PCNX1: variants seen among roughly 807,000 people sequenced by gnomAD.
PCNX1 encodes pecanex-like protein 1.
In PCNX1, 78 loss-of-function variants were observed where a neutral mutation model predicts 242.2. The ratio of observed to expected loss-of-function variants is 0.32; its 90% CI spans 0.27 to 0.39. The LOEUF is 0.39. PCNX1 is among the 10% of genes least tolerant of loss of function. PCNX1 has a pLI of 1.00. For missense variants in PCNX1, 2,581 were observed against 2,856.5 expected (o/e 0.90, Z 2.20); for synonymous variants, 1,024 against 1,032.9 (o/e 0.99, Z 0.17).
chr14:71,027,209 G>A (rs2060265083), intron 15 of PCNX1: 1 of 174,346 alleles, frequency 5.7e-6, no homozygotes, highest in Non-Finnish European at 1.2e-5. Context: ...TCTATCCTGA[G>A]TAGATTGAGG....
At chr14:70,924,586 CTTTAT>C (rs941905065) in intron 1 of PCNX1, among the ~76,000 whole-genome samples, 2 of 151,412 alleles carry the variant, frequency 1.3e-5, no homozygotes, top group African/African-American at 4.9e-5. Flanking sequence ...TAGTTTATTC[CTTTAT>C]TTTATTTTAT....
rs778015297 is a variant in PCNX1 at position 70,977,660 on chromosome 14, T to G, written c.1323T>G (p.Asn441Lys). 1.9e-6 allele frequency: 3 copies of G among 1,613,914 alleles called. No individual in the cohort carries two copies. Among genetic ancestry groups the G allele is most frequent in the Non-Finnish European group, 2.5e-6 (3 of 1,179,958 alleles). ...GCTGTGCAGGCCCAGAGGAGAAGAA[T>G]AGCTGTGCCAGTGACAAAAGGACTA... ...KECCAGPEEK[N>K]SCASDKRTSS... Residue 441 changes from asparagine to lysine, a missense_variant, in exon 6 of 36, where the codon AAT becomes AAG. By Grantham distance (94) the Asn-to-Lys change is moderately conservative. Around this residue, in one of 9 missense-constraint regions of PCNX1, gnomAD observed 1,204 missense variants for 1,216.7 expected, o/e 0.99. Transcript: ENST00000304743.
At chr14:70,993,531 G>A (rs1271554121) in intron 7 of PCNX1, among the ~76,000 whole-genome samples, 2 of 151,958 alleles carry the variant, frequency 1.3e-5, no homozygotes, top group African/African-American at 4.8e-5. Flanking sequence ...TTTTAATTCT[G>A]GTGTTGATTT....
intron 32 of PCNX1, among the ~76,000 whole-genome samples, chr14:71,104,556 A>G (rs921075658): frequency 6.6e-5 from 10 of 152,176 alleles, no homozygotes; most frequent in African/African-American, 2.4e-5. Context: ...CAAGTACACT[A>G]TATTAACAGT....
At chr14:71,038,483 A>G (rs2060610899) in intron 19 of PCNX1, among the ~76,000 whole-genome samples, 1 of 151,800 alleles carries the variant, frequency 6.6e-6, no homozygotes, top group East Asian at 1.9e-4. Flanking sequence ...AATGCTCACC[A>G]TCACTGGCCA....
intron 1 of PCNX1, among the ~76,000 whole-genome samples, chr14:70,944,888 C>T (rs191570309): frequency 4.1e-4 from 63 of 152,326 alleles, no homozygotes; most frequent in Non-Finnish European, 2.9e-4. Context: ...TCCTGCTGCC[C>T]TGTGAAGCGG....
At chr14:70,989,226 G>A (rs1054686247) in intron 7 of PCNX1, among the ~76,000 whole-genome samples, 7 of 151,890 alleles carry the variant, frequency 4.6e-5, no homozygotes, top group Admixed American at 2.0e-4. Flanking sequence ...TCTGGTAAAT[G>A]ACAGAACTAA....
Position 71,023,251 on chromosome 14 carries a change from G to GCCATA in PCNX1, c.3183+19_3183+20insCCATA. The stretch of plus-strand genomic sequence containing the variant: ...CAGACATGTAAGTCACTCTTAATAT[G>GCCATA]GCTGTACATTATAGGTCCTTAACAT... On this transcript the variant is annotated intron_variant, in intron 13 of 35. Transcript: ENST00000304743. 1.9e-6 allele frequency: 3 copies of GCCATA among 1,556,920 alleles called. No homozygotes were observed. Among genetic ancestry groups the GCCATA allele is most frequent in the Non-Finnish European group, 2.7e-6 (3 of 1,128,436 alleles).
At position 70,938,710 on chromosome 14, in the gene PCNX1, G is replaced by C. The variant is rs1311863410; in HGVS notation, c.154-8205G>C. Among the ~76,000 whole-genome samples, 9 of 152,300 alleles carry C rather than the reference G, an allele frequency of 5.9e-5. No homozygotes were observed. The South Asian group carries it at 1.4e-3, about 25-fold the overall frequency. On this transcript the variant is annotated intron_variant, in intron 1 of 35. Transcript: ENST00000304743. ...AATAGTTTCAGAAGGAATGGTACCA[G>C]TTCCTCCTTATACCTCTGGTAGAAT...
rs779926197 is a variant in PCNX1, at chr14:70,978,020, G to A, written c.1683G>A (p.Arg561=). ...HRTASAHKSG[R]RRTGKKRASS... ...CAGCTTCTGCCCACAAGTCAGGCAG[G>A]AGACGCACAGGAAAAAAACGGGCTA... The change falls in exon 6 of 36, where the codon AGG becomes AGA. Residue 561 remains arginine (R), a synonymous_variant. Coordinates refer to ENST00000304743, the MANE Select transcript of PCNX1 (RefSeq NM_014982.3). 1 of 1,614,150 alleles carries A rather than the reference G, an allele frequency of 6.2e-7. No individual in the cohort carries two copies. Among genetic ancestry groups the A allele is most frequent in the African/African-American group, 1.3e-5 (1 of 75,024 alleles).
intron 2 of PCNX1, among the ~76,000 whole-genome samples, chr14:70,954,413 CAG>C (rs762040029): frequency 4.6e-5 from 7 of 152,136 alleles, no homozygotes; most frequent in Non-Finnish European, 8.8e-5. Context: ...ATGTAAACTT[CAG>C]AGTCTGCTAG....
intron 5 of PCNX1, 46 bp from the exon 6 acceptor site, chr14:70,976,896 A>G (rs894994271): frequency 6.6e-7 from 1 of 1,516,276 alleles, no homozygotes; most frequent in Non-Finnish European, 9.0e-7. Flanking sequence ...GTAGAAAAGC[A>G]GATCATACAT....
chr14:71,026,071 A>G (rs753905104), intron 13 of PCNX1, 46 bp from the exon 14 acceptor site: 1 of 1,285,148 alleles, frequency 7.8e-7, no homozygotes, highest in Non-Finnish European at 1.1e-6. Flanking sequence ...GTTATTTGTG[A>G]CTCTTAAAAT....
chr14:70,975,295 T>C (rs749303106), intron 5 of PCNX1, among the ~76,000 whole-genome samples: 3 of 151,980 alleles, frequency 2.0e-5, no homozygotes, highest in Non-Finnish European at 2.9e-5. Flanking sequence ...TTAGAAGATA[T>C]AAGAACGCAA....
Position 71,093,108 on chromosome 14 carries a change from T to A in PCNX1, c.5589+3766T>A, listed in dbSNP as rs367936208. The A allele has an allele frequency of 7.2e-5, 11 of 152,236 alleles. No individual in the cohort carries two copies. The South Asian group carries it at 2.3e-3, about 32-fold the overall frequency. 9.4% of individuals were successfully genotyped at this position (152,236 alleles called of 1,614,324 possible). A position where few individuals can be genotyped will look rare whatever the true frequency, so the allele number is the denominator to read the frequency against. On this transcript the variant is annotated intron_variant, in intron 30 of 35. Coordinates refer to ENST00000304743, the MANE Select transcript of PCNX1 (RefSeq NM_014982.3). ...TATACATGGTACTCAATGGAAAGGA[T>A]TGTCAGTGCTATGGAAGAGAACCCT...
intron 7 of PCNX1, among the ~76,000 whole-genome samples, chr14:70,993,365 TG>T (rs1280728004): frequency 1.3e-5 from 2 of 152,048 alleles, no homozygotes; most frequent in African/African-American, 4.8e-5. Context: ...CCTGACCTTG[TG>T]ATCCACCCGC....
chr14:70,907,641 G>GCCTCCTCCTCTCGGGTCT lies in PCNX1; in HGVS notation c.-199_-182dup, dbSNP rs2055616379. 8.7e-6 allele frequency: 3 copies of GCCTCCTCCTCTCGGGTCT among 346,126 alleles called. No homozygotes were observed. Among genetic ancestry groups the GCCTCCTCCTCTCGGGTCT allele is most frequent in the East Asian group, 7.9e-5 (1 of 12,642 alleles). The allele number at this position is 346,126 out of a possible 1,614,324, so 21.4% of individuals were successfully genotyped here. A position where few individuals can be genotyped will look rare whatever the true frequency, so the allele number is the denominator to read the frequency against. On this transcript the variant is annotated 5_prime_UTR_variant, in exon 1 of 36. Coordinates refer to ENST00000304743, the MANE Select transcript of PCNX1 (RefSeq NM_014982.3). ...GCCGTCCTCCGCCCCGCCGCTCGCC[G>GCCTCCTCCTCTCGGGTCT]CCTCCTCCTCTCGGGTCTCCTCCTC...
chr14:71,076,331 A>G lies in PCNX1; in HGVS notation c.5249A>G (p.Tyr1750Cys), dbSNP rs1232594063. 2 of 1,613,884 alleles carry G rather than the reference A, an allele frequency of 1.2e-6. No homozygotes were observed. The highest frequency in any genetic ancestry group is 1.7e-6 in the Non-Finnish European group (2 of 1,179,882). ...PTFNPNIDED[Y>C]DHRLAGISRE... is the part of the protein sequence containing the mutation. Reference sequence around the variant, plus strand: ...TTTAATCCAAACATTGATGAAGACTATGACCACCGACTGGCAGGCATATCT... The same window carrying G: ...TTTAATCCAAACATTGATGAAGACTGTGACCACCGACTGGCAGGCATATCT... The change falls in exon 28 of 36, where the codon TAT (tyrosine) becomes TGT (cysteine). Residue 1750 changes from tyrosine to cysteine, a missense_variant. By Grantham distance (194) the Tyr-to-Cys change is radical. Coordinates refer to ENST00000304743, the MANE Select transcript of PCNX1 (RefSeq NM_014982.3).
chr14:71,107,774 A>G (rs1792948314), intron 33 of PCNX1, among the ~76,000 whole-genome samples: 1 of 152,244 alleles, frequency 6.6e-6, no homozygotes, highest in Non-Finnish European at 1.5e-5. Flanking sequence ...CAGTAATACT[A>G]TACTTTGAGA....
Sources: gnomAD v4.1 joint callset for allele counts (sites outside exome capture counted in the v4.1 genomes callset) on GRCh38, gnomAD v4.1.1 for gene constraint, gnomAD v4.1.1 regional missense constraint, MANE v1.5 for transcripts, NCBI Gene and HGNC (gene_info 2026-07-23, HGNC 2026-07-21) for gene names.